The following IMPG2 variants were observed in gnomAD, a reference collection of about 807,000 sequenced individuals.
The protein encoded by IMPG2 is IPM 200.
IMPG2 carries 91 observed loss-of-function variants against 129.2 expected under a neutral mutation model. The ratio of observed to expected loss-of-function variants is 0.70; its 90% confidence interval spans 0.59 to 0.84. IMPG2 has a LOEUF of 0.84. IMPG2 is among the 40% of genes least tolerant of loss of function. The probability of loss-of-function intolerance (pLI) is 0.00; values close to 1 mark genes in which losing one functional copy is unlikely to be tolerated. For synonymous variants in IMPG2, 510 were observed against 517.7 expected (o/e 0.99, Z 0.20); for missense variants, 1,430 against 1,461.7 (o/e 0.98, Z 0.35).
chr3:101,250,652 A>G (rs949229813), intron 11 of IMPG2, among the ~76,000 whole-genome samples: 2 of 152,234 alleles, frequency 1.3e-5, no homozygotes, highest in Admixed American at 1.3e-4. Context: ...AGAGGTCTCT[A>G]CAAGTATATA....
intron 3 of IMPG2, 119 bp from the exon 4 acceptor site, chr3:101,291,629 C>T: frequency 1.3e-6 from 1 of 749,474 alleles, no homozygotes; most frequent in East Asian, 2.7e-5. Context: ...TTAGTACTCT[C>T]TATGGTTAGA....
chr3:101,259,349 A>G (rs1706645259), intron 9 of IMPG2, among the ~76,000 whole-genome samples: 1 of 152,172 alleles, frequency 6.6e-6, no homozygotes, highest in Non-Finnish European at 1.5e-5. Context: ...ACTATTCTCA[A>G]AACAAAGCAT....
chr3:101,267,411 G>A (rs1484201981), intron 9 of IMPG2, 100 bp downstream of exon 9: 45 of 980,360 alleles, frequency 4.6e-5, no homozygotes, highest in Admixed American at 1.8e-4. Flanking sequence ...TATTGGAAGT[G>A]ATATAATATT....
At chr3:101,297,052 G>A (rs916091837) in intron 3 of IMPG2, among the ~76,000 whole-genome samples, 1 of 152,184 alleles carries the variant, frequency 6.6e-6, no homozygotes, top group African/African-American at 2.4e-5. Context: ...ACAGGCGCCA[G>A]GCGCCAGCCA....
At chr3:101,316,296 C>A (rs376277948) in intron 2 of IMPG2, among the ~76,000 whole-genome samples, 27 of 151,982 alleles carry the variant, frequency 1.8e-4, no homozygotes, top group Non-Finnish European at 1.5e-4. Context: ...CCTTAAAATA[C>A]ATCATCAAGA....
At chr3:101,296,913 T>C (rs903422833) in intron 3 of IMPG2, among the ~76,000 whole-genome samples, 1 of 152,076 alleles carries the variant, frequency 6.6e-6, no homozygotes, top group Non-Finnish European at 1.5e-5. Flanking sequence ...GTTGTTGTTG[T>C]TGTTGTTGAG....
At chr3:101,265,265 G>A (rs908393252) in intron 9 of IMPG2, among the ~76,000 whole-genome samples, 8 of 151,980 alleles carry the variant, frequency 5.3e-5, no homozygotes, top group African/African-American at 1.9e-4. Context: ...TAACAAAGCT[G>A]ATGATATATA....
chr3:101,270,347 A>C (rs1038868910), intron 7 of IMPG2, among the ~76,000 whole-genome samples: 3 of 152,134 alleles, frequency 2.0e-5, no homozygotes, highest in African/African-American at 7.2e-5. Flanking sequence ...CTGCTCCTAC[A>C]ACGAAAGAGA....
chr3:101,272,864 A>G (rs780659963), intron 7 of IMPG2, among the ~76,000 whole-genome samples: 3 of 152,250 alleles, frequency 2.0e-5, no homozygotes, highest in Non-Finnish European at 4.4e-5. Flanking sequence ...ATGGGAAAAA[A>G]TAAACGAAGG....
chr3:101,253,528 C>T (rs1426937529), intron 11 of IMPG2, among the ~76,000 whole-genome samples, 168 bp downstream of exon 11: 2 of 152,124 alleles, frequency 1.3e-5, no homozygotes, highest in Non-Finnish European at 2.9e-5. Flanking sequence ...TCTGAACCAA[C>T]ACTTGGTACC....
intron 15 of IMPG2, 125 bp from the exon 16 acceptor site, chr3:101,231,270 A>G: frequency 2.2e-6 from 2 of 898,714 alleles, no homozygotes; most frequent in Non-Finnish European, 3.7e-6. Context: ...GAAGCTTCAT[A>G]AAGAGTTGAA....
At chr3:101,267,453 T>A in intron 9 of IMPG2, 58 bp downstream of exon 9, 1 of 1,425,428 alleles carries the variant, frequency 7.0e-7, no homozygotes, top group African/African-American at 1.4e-5. Flanking sequence ...TACGGCCTGC[T>A]ATATTTACTA....
intron 3 of IMPG2, among the ~76,000 whole-genome samples, chr3:101,303,040 C>T (rs907004156): frequency 3.9e-5 from 6 of 152,142 alleles, no homozygotes; most frequent in Middle Eastern, 3.4e-3. Flanking sequence ...ATTACCTTTA[C>T]GATATACTAA....
chr3:101,258,628 C>G (rs1706638437), intron 9 of IMPG2, among the ~76,000 whole-genome samples: 1 of 152,112 alleles, frequency 6.6e-6, no homozygotes, highest in East Asian at 1.9e-4. Flanking sequence ...TCAACAAGTA[C>G]TAACAAACAG....
chr3:101,256,169 GAAAGAAAGAAAGAAAGAA>G (rs2107232755), intron 10 of IMPG2, among the ~76,000 whole-genome samples: 1 of 131,098 alleles, frequency 7.6e-6, no homozygotes, highest in African/African-American at 2.9e-5. Flanking sequence ...AAGAAAGAAA[GAAAGAAAGAAAGAAAGAA>G]AGAAAGAAAG....
At chr3:101,270,094 T>C (rs1444609675) in intron 7 of IMPG2, among the ~76,000 whole-genome samples, 2 of 151,916 alleles carry the variant, frequency 1.3e-5, no homozygotes, top group African/African-American at 2.4e-5. Context: ...TGCGCCACCA[T>C]GCTCGGCTAA....
At chr3:101,232,465 C>T (rs767994520) in intron 15 of IMPG2, among the ~76,000 whole-genome samples, 9 of 151,858 alleles carry the variant, frequency 5.9e-5, no homozygotes, top group Admixed American at 1.3e-4. Context: ...CTCAATCTCC[C>T]GACCTCAGGT....
At chr3:101,229,635 A>G (rs111270773) in intron 16 of IMPG2, 45 bp from the exon 17 acceptor site, 1 of 1,521,656 alleles carries the variant, frequency 6.6e-7, no homozygotes. Flanking sequence ...TTGGATGCTC[A>G]ACTATGTGGA....
intron 14 of IMPG2, among the ~76,000 whole-genome samples, chr3:101,237,721 C>T (rs1037744089): frequency 6.6e-6 from 1 of 152,078 alleles, no homozygotes; most frequent in African/African-American, 2.4e-5. Flanking sequence ...CAAAGGTCAC[C>T]AACATCAAAG....
Sources: gnomAD v4.1 joint callset for allele counts (sites outside exome capture counted in the v4.1 genomes callset) on GRCh38, gnomAD v4.1.1 for gene constraint, MANE v1.5 for transcripts, NCBI Gene and HGNC (gene_info 2026-07-23, HGNC 2026-07-21) for gene names.